Variants in NREP observed in about 807,000 individuals in gnomAD.
NREP encodes neuronal regeneration related protein, also known as neuronal regeneration-related protein.
In NREP, 5 loss-of-function variants were observed where a neutral mutation model predicts 8.6. The ratio of observed to expected loss-of-function variants is 0.58; its 90% CI spans 0.30 to 1.22. The LOEUF is 1.22. Among genes scored for constraint, NREP ranks in the 50% most tolerant of loss-of-function variants. The pLI, the probability that NREP is intolerant of heterozygous loss-of-function variation, is 0.07. For synonymous variants in NREP, 27 were observed against 28.0 expected, an observed-to-expected ratio of 0.96 and a Z score of 0.11; for missense variants, 86 against 82.5, an observed-to-expected ratio of 1.04 and a Z score of -0.17.
chr5:111,858,421 CTA>C (rs1753472336), intron 2 of NREP, among the ~76,000 whole-genome samples: 1 of 152,120 alleles, frequency 6.6e-6, no homozygotes, highest in Admixed American at 6.6e-5. Flanking sequence ...TAGTCTCATC[CTA>C]TATGTCTTGG....
chr5:111,789,603 T>C (rs1751693447), intron 2 of NREP, among the ~76,000 whole-genome samples: 1 of 152,176 alleles, frequency 6.6e-6, no homozygotes, highest in South Asian at 2.1e-4. Context: ...TAATAACTGG[T>C]CTATAGTTTC....
upstream of NREP, among the ~76,000 whole-genome samples, chr5:111,760,143 A>C (rs1182237992): frequency 6.6e-6 from 1 of 152,216 alleles, no homozygotes; most frequent in Non-Finnish European, 1.5e-5. Flanking sequence ...CGGGGTGAGG[A>C]TGGAGGGTGA....
chr5:111,866,823 T>C (rs1276182145), intron 2 of NREP, among the ~76,000 whole-genome samples: 1 of 151,718 alleles, frequency 6.6e-6, no homozygotes, highest in Non-Finnish European at 1.5e-5. Context: ...CCATAAAAAA[T>C]GATGAGTTCA....
chr5:111,830,116 T>A (rs1321486803), intron 2 of NREP, among the ~76,000 whole-genome samples: 1 of 152,152 alleles, frequency 6.6e-6, no homozygotes, highest in Non-Finnish European at 1.5e-5. Context: ...CCAACACAAC[T>A]TTGTCAACTT....
At chr5:111,896,490 A>G (rs1336660717) in intron 2 of NREP, among the ~76,000 whole-genome samples, 2 of 152,196 alleles carry the variant, frequency 1.3e-5, no homozygotes, top group African/African-American at 4.8e-5. Flanking sequence ...AGAGCTCTAC[A>G]TACACATTTT....
chr5:111,939,138 G>A (rs561948447), intron 2 of NREP, among the ~76,000 whole-genome samples: 25 of 151,856 alleles, frequency 1.6e-4, no homozygotes, highest in African/African-American at 5.3e-4. Flanking sequence ...CTCTCCCTAC[G>A]ACTACTTTTA....
chr5:111,780,797 G>GC lies in NREP; in HGVS notation c.136-45291dup, dbSNP rs1178809804. ...CAGCAATTTCTACATTGCAAAGAAGGCCACGCCAATATATAACCCCTATCC... is the reference window on the plus strand; with the variant it reads ...CAGCAATTTCTACATTGCAAAGAAGGCCCACGCCAATATATAACCCCTATCC... On this transcript the variant is annotated intron_variant, in intron 2 of 3. Transcript: ENST00000395634. Among the ~76,000 whole-genome samples, 264 of 152,254 alleles carry GC rather than the reference G, an allele frequency of 1.7e-3. 1 individual carries two copies. Among genetic ancestry groups the GC allele is most frequent in the African/African-American group, 6.2e-3 (259 of 41,554 alleles).
At chr5:111,820,511 G>C (rs904475721) in intron 2 of NREP, among the ~76,000 whole-genome samples, 1 of 151,736 alleles carries the variant, frequency 6.6e-6, no homozygotes, top group Non-Finnish European at 1.5e-5. Flanking sequence ...CCAATTTCAA[G>C]ATAATGATAA....
At chr5:111,938,049 T>C (rs985484863) in intron 2 of NREP, among the ~76,000 whole-genome samples, 2 of 152,070 alleles carry the variant, frequency 1.3e-5, no homozygotes, top group Admixed American at 6.6e-5. Context: ...CCATTCTGGC[T>C]CAGCTTTCCC....
intron 2 of NREP, among the ~76,000 whole-genome samples, chr5:111,882,377 G>A (rs539285669): frequency 1.3e-5 from 2 of 152,222 alleles, no homozygotes; most frequent in African/African-American, 4.8e-5. Flanking sequence ...AAGTGACGGG[G>A]AGAATGGAAC....
intron 2 of NREP, among the ~76,000 whole-genome samples, chr5:111,789,151 G>A (rs1751681549): frequency 6.6e-6 from 1 of 152,086 alleles, no homozygotes; most frequent in East Asian, 1.9e-4. Flanking sequence ...GTGTGTTCAT[G>A]TATATACACA....
intron 2 of NREP, among the ~76,000 whole-genome samples, chr5:111,919,047 C>T (rs1368531612): frequency 6.6e-6 from 1 of 152,118 alleles, no homozygotes; most frequent in African/African-American, 2.4e-5. Context: ...AAAAAACAGA[C>T]AACCTCATCA....
chr5:111,968,903 A>G (rs993420002), intron 2 of NREP, among the ~76,000 whole-genome samples: 1 of 152,238 alleles, frequency 6.6e-6, no homozygotes, highest in Non-Finnish European at 1.5e-5. Flanking sequence ...CAACCTGCTC[A>G]TCACCACTCA....
intron 2 of NREP, among the ~76,000 whole-genome samples, chr5:111,735,882 G>T (rs899340851): frequency 1.3e-5 from 2 of 152,158 alleles, no homozygotes; most frequent in African/African-American, 2.4e-5. Flanking sequence ...ACTGTTAAGG[G>T]TTATTCTGAT....
intron 2 of NREP, among the ~76,000 whole-genome samples, chr5:111,765,072 T>C (rs1266009875): frequency 6.6e-6 from 1 of 152,150 alleles, no homozygotes; most frequent in Admixed American, 6.5e-5. Context: ...CTCCAACCTT[T>C]TGGGCAACAG....
chr5:111,828,531 T>C (rs954922795), intron 2 of NREP, among the ~76,000 whole-genome samples: 9 of 152,146 alleles, frequency 5.9e-5, no homozygotes, highest in Non-Finnish European at 1.2e-4. Flanking sequence ...TTACCTGCTG[T>C]CCCTTGGATG....
intron 2 of NREP, among the ~76,000 whole-genome samples, chr5:111,852,729 C>A (rs1344058604): frequency 6.6e-6 from 1 of 152,008 alleles, no homozygotes; most frequent in Non-Finnish European, 1.5e-5. Context: ...GTAATATGTT[C>A]TGTGACTCAA....
intron 2 of NREP, among the ~76,000 whole-genome samples, chr5:111,865,979 T>C (rs1050899813): frequency 5.3e-5 from 8 of 152,176 alleles, no homozygotes; most frequent in African/African-American, 1.9e-4. Flanking sequence ...TGGGGACACA[T>C]AGCCATTCTC....
intron 2 of NREP, among the ~76,000 whole-genome samples, chr5:111,802,855 C>G (rs1020640710): frequency 6.6e-6 from 1 of 152,134 alleles, no homozygotes; most frequent in Non-Finnish European, 1.5e-5. Context: ...GGACTATGAG[C>G]TCCTTAGATG....
Sources: allele counts gnomAD v4.1 joint callset (sites outside exome capture counted in the v4.1 genomes callset), GRCh38; gene constraint gnomAD v4.1.1; transcripts MANE v1.5; gene names NCBI Gene and HGNC (gene_info 2026-07-23, HGNC 2026-07-21).